Variants in DCK observed in about 807,000 individuals in gnomAD.
DCK encodes the protein deoxyadenosine kinase.
Under a neutral mutation model 38.3 loss-of-function variants are expected in DCK, and 23 were observed. The observed-to-expected ratio is 0.60, with a 90% confidence interval of 0.43 to 0.85. The LOEUF (loss-of-function observed/expected upper bound fraction) is 0.85, where lower values mean the gene tolerates loss of function less well. Among genes scored for constraint, DCK ranks in the 40% least tolerant of loss-of-function variants. DCK has a pLI of 0.00. For synonymous variants in DCK, 108 were observed against 100.6 expected, an observed-to-expected ratio of 1.07 and a Z score of -0.44; for missense variants, 259 against 304.4, an observed-to-expected ratio of 0.85 and a Z score of 1.11.
intron 2 of DCK, among the ~76,000 whole-genome samples, chr4:71,018,895 CTCCTGAGCTTAAG>C (rs1740340371): frequency 6.6e-6 from 1 of 152,054 alleles, no homozygotes; most frequent in Non-Finnish European, 1.5e-5. Context: ...TGGTCTGGAA[CTCCTGAGCTTAAG>C]TGATCCGCCT....
rs1369369362 is a variant in DCK, at chr4:70,993,703, G to A, written c.-133G>A. ...GTCAAACCCCGACACCCGCCGGCGG[G>A]CCGGTGAGCTCACTAGCTGACCCGG... On this transcript the variant is annotated 5_prime_UTR_variant, in exon 1 of 7. Transcript: ENST00000286648. 1.3e-5 allele frequency: 8 copies of A among 598,562 alleles called. No homozygotes were observed. The allele number at this position is 598,562 out of a possible 1,614,324, so 37.1% of individuals were successfully genotyped here. A position where few individuals can be genotyped will look rare whatever the true frequency, so the allele number is the denominator to read the frequency against.
chr4:70,998,788 G>A (rs1454729882), intron 2 of DCK, among the ~76,000 whole-genome samples: 2 of 152,000 alleles, frequency 1.3e-5, no homozygotes, highest in Non-Finnish European at 2.9e-5. Flanking sequence ...GCTGAACGTG[G>A]TGGTGGGCAC....
intron 2 of DCK, among the ~76,000 whole-genome samples, chr4:71,014,286 A>T (rs1740194012): frequency 6.6e-6 from 1 of 152,220 alleles, no homozygotes; most frequent in East Asian, 1.9e-4. Context: ...TTAGAGACCT[A>T]CAAAGAGACT....
intron 4 of DCK, among the ~76,000 whole-genome samples, chr4:71,024,891 AAT>A (rs1209935922): frequency 6.6e-6 from 1 of 152,100 alleles, no homozygotes; most frequent in African/African-American, 2.4e-5. Flanking sequence ...AAGTTATGAA[AAT>A]AGTACAAACA....
At chr4:71,026,039 C>A (rs763913196) in intron 5 of DCK, 108 bp downstream of exon 5, 45 of 1,289,876 alleles carry the variant, frequency 3.5e-5, no homozygotes, top group South Asian at 4.5e-5. Flanking sequence ...AATTTCCAGT[C>A]GTTTTGCTTA....
chr4:71,026,767 C>T lies in DCK; in HGVS notation c.756+12C>T, dbSNP rs1740556708. The T allele has an allele frequency of 1.6e-6, 2 of 1,278,618 alleles. No individual in the cohort carries two copies. Among genetic ancestry groups the T allele is most frequent in the Non-Finnish European group, 2.3e-6 (2 of 888,414 alleles). 79.2% of individuals were successfully genotyped at this position (1,278,618 alleles called of 1,614,324 possible). ...GTCTGGTTGAAAAGGTAGATTTAGA[C>T]AGACTACAAACAAATATTTGTTTTT... On this transcript the variant is annotated intron_variant, in intron 6 of 6. Coordinates refer to ENST00000286648, the MANE Select transcript of DCK (RefSeq NM_000788.3).
At chr4:71,024,434 T>C (rs1343055014) in intron 4 of DCK, among the ~76,000 whole-genome samples, 1 of 152,090 alleles carries the variant, frequency 6.6e-6, no homozygotes, top group Non-Finnish European at 1.5e-5. Context: ...ATCAGAAGCT[T>C]TCTGGTTTTG....
chr4:70,995,885 CAAT>C (rs1408335364), intron 1 of DCK, among the ~76,000 whole-genome samples: 1 of 151,898 alleles, frequency 6.6e-6, no homozygotes, highest in Non-Finnish European at 1.5e-5. Context: ...TGATAGCCTG[CAAT>C]TGCACAATAT....
At chr4:70,994,014 C>G (rs964414556) in intron 1 of DCK, 88 bp downstream of exon 1, 7 of 952,670 alleles carry the variant, frequency 7.3e-6, no homozygotes, top group Non-Finnish European at 1.2e-5. Context: ...TCTGCAGCAA[C>G]TCGGTGAGGG....
chr4:71,013,918 T>C (rs978486803), intron 2 of DCK, among the ~76,000 whole-genome samples: 6 of 152,256 alleles, frequency 3.9e-5, no homozygotes, highest in Non-Finnish European at 8.8e-5. Flanking sequence ...AATATTAACC[T>C]TAAATGTAAA....
At chr4:71,025,057 T>C (rs73827076) in intron 4 of DCK, among the ~76,000 whole-genome samples, 64 of 152,192 alleles carry the variant, frequency 4.2e-4, no homozygotes, top group African/African-American at 1.5e-3. Flanking sequence ...CATGGTCTTA[T>C]GCATGTCATT....
rs199750727 is a variant in DCK at position 71,030,096 on chromosome 4, C to A, written c.*718C>A. The A allele has an allele frequency of 2.0e-5, 3 of 152,508 alleles. No individual in the cohort carries two copies. The highest frequency in any genetic ancestry group is 7.2e-5 in the African/African-American group (3 of 41,420). 9.4% of individuals were successfully genotyped at this position (152,508 alleles called of 1,614,324 possible). On this transcript the variant is annotated 3_prime_UTR_variant, in exon 7 of 7. Coordinates refer to ENST00000286648, the MANE Select transcript of DCK (RefSeq NM_000788.3). ...GTTTTTCTCTTTTTCAGACAAATTA[C>A]TGATAAAAATGATATTGCTCTATAT...
intron 2 of DCK, among the ~76,000 whole-genome samples, chr4:71,016,836 GAAAACCTAGGC>G (rs1432685151): frequency 6.6e-6 from 1 of 152,178 alleles, no homozygotes; most frequent in Non-Finnish European, 1.5e-5. Context: ...AACCCTAGAA[GAAAACCTAGGC>G]AATACTATTT....
At chr4:71,027,692 A>G (rs1372998445) in intron 6 of DCK, among the ~76,000 whole-genome samples, 1 of 152,186 alleles carries the variant, frequency 6.6e-6, no homozygotes, top group Non-Finnish European at 1.5e-5. Flanking sequence ...TGTAGCGTAT[A>G]CATGTAGTTG....
intron 2 of DCK, among the ~76,000 whole-genome samples, chr4:71,001,626 T>A (rs937763007): frequency 2.6e-5 from 4 of 152,156 alleles, no homozygotes; most frequent in African/African-American, 9.7e-5. Context: ...TGGGCTTTTT[T>A]TTGGTTGGTA....
intron 2 of DCK, among the ~76,000 whole-genome samples, chr4:71,007,392 G>C (rs1739971790): frequency 6.6e-6 from 1 of 152,176 alleles, no homozygotes; most frequent in Non-Finnish European, 1.5e-5. Flanking sequence ...TCCAGGTCAA[G>C]AAATACGACA....
intron 1 of DCK, 115 bp from the exon 2 acceptor site, chr4:70,997,952 T>C: frequency 2.1e-6 from 1 of 485,616 alleles, no homozygotes. Context: ...GAAAGTTGAA[T>C]GTTTTGGGCT....
At chr4:71,011,561 T>G (rs959789854) in intron 2 of DCK, among the ~76,000 whole-genome samples, 2 of 152,160 alleles carry the variant, frequency 1.3e-5, no homozygotes, top group African/African-American at 4.8e-5. Flanking sequence ...TTTGCCAATG[T>G]TGTCTGGATT....
chr4:70,997,968 T>G (rs2148911687), intron 1 of DCK, 99 bp from the exon 2 acceptor site: 1 of 518,952 alleles, frequency 1.9e-6, no homozygotes, highest in South Asian at 3.9e-5. Flanking sequence ...GGGCTTTTTA[T>G]GTTGCTTGCT....
Sources: allele counts gnomAD v4.1 joint callset (sites outside exome capture counted in the v4.1 genomes callset), GRCh38; gene constraint gnomAD v4.1.1; transcripts MANE v1.5; gene names NCBI Gene and HGNC (gene_info 2026-07-23, HGNC 2026-07-21).